The following VKORC1 variants were observed in gnomAD, a reference collection of about 807,000 sequenced individuals.
VKORC1 encodes the protein phylloquinone epoxide reductase.
In VKORC1, 12 loss-of-function variants were observed where a neutral mutation model predicts 14.8. That is an observed-to-expected ratio of 0.81 (90% CI 0.52 to 1.31). VKORC1 has a LOEUF of 1.31. Among genes scored for constraint, VKORC1 ranks in the 50% most tolerant of loss-of-function variants. VKORC1 has a pLI of 0.00. For missense variants in VKORC1, 223 were observed against 215.3 expected (o/e 1.04, Z -0.22); for synonymous variants, 94 against 92.5 (o/e 1.02, Z -0.09).
intron 2 of VKORC1, chr16:31,092,782 C>A: frequency 7.8e-7 from 1 of 1,279,814 alleles, no homozygotes; most frequent in Non-Finnish European, 1.0e-6. Flanking sequence ...TGGTAGCTCA[C>A]GCCTGTAATC....
Position 31,091,057 on chromosome 16 carries a change from A to T in VKORC1, c.*77T>A. On this transcript the variant is annotated 3_prime_UTR_variant, in exon 3 of 3. Coordinates refer to ENST00000394975, the MANE Select transcript of VKORC1 (RefSeq NM_024006.6). ...GCCCCACATCTAGGGCCTTCTAGGG[A>T]CCCAGATATGCCCCCTTAGGCAAGG... 2.5e-6 allele frequency: 4 copies of T among 1,576,532 alleles called. No homozygotes were observed. Among genetic ancestry groups the T allele is most frequent in the Non-Finnish European group, 2.6e-6 (3 of 1,161,112 alleles).
intron 1 of VKORC1, chr16:31,094,353 T>C: frequency 6.2e-7 from 1 of 1,612,886 alleles, no homozygotes; most frequent in Non-Finnish European, 8.5e-7. Flanking sequence ...ATAATCCCAG[T>C]CCCCAGCACT....
At chr16:31,094,007 A>C (rs1596797615) in intron 1 of VKORC1, 3 of 788,850 alleles carry the variant, frequency 3.8e-6, no homozygotes, top group Non-Finnish European at 3.8e-6. Flanking sequence ...CCCGGCCCTT[A>C]AGTAATTCTT....
intron 1 of VKORC1, chr16:31,093,699 C>CTCTTT (rs1292697451): frequency 8.8e-5 from 6 of 68,082 alleles, no homozygotes; most frequent in East Asian, 1.1e-3. Flanking sequence ...AAGTAAGTCT[C>CTCTTT]TTTTTTTTTT....
At chr16:31,091,516 C>T (rs952035579) in intron 2 of VKORC1, among the ~76,000 whole-genome samples, 174 bp from the exon 3 acceptor site, 2 of 152,186 alleles carry the variant, frequency 1.3e-5, no homozygotes, top group African/African-American at 4.8e-5. Flanking sequence ...TCTGGGAGGC[C>T]GAGGTGGGAA....
rs72547528 is a variant in VKORC1, at chr16:31,091,334, G to C, written c.292C>G (p.Arg98Gly). 1.9e-6 allele frequency: 3 copies of C among 1,613,454 alleles called. No homozygotes were observed. The South Asian group carries it at 3.3e-5, about 18-fold the overall frequency. ...YTLQLLLGCL[R>G]TRWASVLMLL... ...ATCAGGACAGAGGCCCAGCGTGTCC[G>C]CAGGCAACCTGCAAGGCAGAAGAGG... is the stretch of plus-strand genomic sequence containing the variant. The change falls in exon 3 of 3, where the codon CGG becomes GGG. Residue 98 changes from arginine (R) to glycine (G), a missense_variant. Arg to Gly is a moderately radical substitution (Grantham distance 125). Coordinates refer to ENST00000394975, the MANE Select transcript of VKORC1 (RefSeq NM_024006.6).
At chr16:31,093,661 G>A (rs937335324) in intron 1 of VKORC1, 6 of 670,740 alleles carry the variant, frequency 8.9e-6, no homozygotes, top group African/African-American at 7.5e-5. Context: ...TGGCTACTCC[G>A]TAGGCCCTGC....
chr16:31,093,364 A>T lies in VKORC1; in HGVS notation c.231T>A (p.Asn77Lys). Reference protein sequence around the residue: ...EHVLGQDSILNQSNSIFGCIF... With the variant: ...EHVLGQDSILKQSNSIFGCIF... ...TGCAACCGAATATGCTGTTGGATTG[A>T]TTGAGGATGCTGTCCTGTCCCAGCA... is the stretch of plus-strand genomic sequence containing the variant. Residue 77 changes from asparagine to lysine, a missense_variant, in exon 2 of 3, where the codon AAT becomes AAA. By Grantham distance (94) the Asn-to-Lys change is moderately conservative (BLOSUM62 0). Transcript: ENST00000394975. The T allele has an allele frequency of 6.2e-7, 1 of 1,614,134 alleles. No individual in the cohort carries two copies. The highest frequency in any genetic ancestry group is 8.5e-7 in the Non-Finnish European group (1 of 1,180,016).
intron 1 of VKORC1, chr16:31,094,139 C>G (rs535046123): frequency 1.9e-6 from 3 of 1,539,432 alleles, no homozygotes; most frequent in Non-Finnish European, 2.6e-6. Flanking sequence ...CTCGCCTCCT[C>G]TGTATTCCGT....
rs2057285460 is a variant in VKORC1, at chr16:31,091,058, C to T, written c.*76G>A. ...CCCCACATCTAGGGCCTTCTAGGGA[C>T]CCAGATATGCCCCCTTAGGCAAGGC... On this transcript the variant is annotated 3_prime_UTR_variant, in exon 3 of 3. Transcript: ENST00000394975. 1 of 1,577,450 alleles carries T rather than the reference C, an allele frequency of 6.3e-7. No individual in the cohort carries two copies. Among genetic ancestry groups the T allele is most frequent in the Non-Finnish European group, 8.6e-7 (1 of 1,161,762 alleles).
At chr16:31,094,342 A>G in intron 1 of VKORC1, 1 of 1,612,848 alleles carries the variant, frequency 6.2e-7, no homozygotes, top group Non-Finnish European at 8.5e-7. Flanking sequence ...GAGTCCCCGG[A>G]ATAATCCCAG....
chr16:31,091,212 G>C lies in VKORC1; in HGVS notation c.414C>G (p.Thr138=). The stretch of plus-strand genomic sequence containing the variant: ...ACATCAGGCTCACGTTGATAGCATA[G>C]GTGGTGATACAAACAATGCAGAAAT... ...LYDFCIVCIT[T]YAINVSLMWL... Residue 138 remains threonine, a synonymous_variant, in exon 3 of 3, where the codon ACC becomes ACG. Coordinates refer to ENST00000394975, the MANE Select transcript of VKORC1 (RefSeq NM_024006.6). The C allele has an allele frequency of 6.2e-7, 1 of 1,614,194 alleles. No individual in the cohort carries two copies. Among genetic ancestry groups the C allele is most frequent in the South Asian group, 1.1e-5 (1 of 91,082 alleles).
chr16:31,093,166 C>G (rs1175920784), intron 2 of VKORC1, 146 bp downstream of exon 2: 1 of 850,670 alleles, frequency 1.2e-6, no homozygotes, highest in African/African-American at 1.7e-5. Context: ...TACCTCCCCA[C>G]ATCCCCACCC....
At chr16:31,091,392 C>A in intron 2 of VKORC1, 50 bp from the exon 3 acceptor site, 1 of 1,580,794 alleles carries the variant, frequency 6.3e-7, no homozygotes. Flanking sequence ...TGGCCACCTC[C>A]CGAACACTCC....
In VKORC1 at chr16:31,091,450, T is replaced by C. The variant is rs1365976897; in HGVS notation, c.284-108A>G. The C allele has an allele frequency of 2.0e-6, 3 of 1,536,202 alleles. No homozygotes were observed. The Admixed American group carries it at 5.9e-5, about 30-fold the overall frequency. On this transcript the variant is annotated intron_variant, in intron 2 of 2. Coordinates refer to ENST00000394975, the MANE Select transcript of VKORC1 (RefSeq NM_024006.6). ...ATGCCAGGAGCTGCTGGGAAGGGTC[T>C]CTAAAACAAGAGGCTCCAGGGCAGA...
chr16:31,091,480 G>A, intron 2 of VKORC1, 138 bp from the exon 3 acceptor site: 1 of 1,508,018 alleles, frequency 6.6e-7, no homozygotes, highest in Non-Finnish European at 8.9e-7. Context: ...GGCAGATGTG[G>A]TGGCTTACGC....
At position 31,094,565 on chromosome 16, in the gene VKORC1, G is replaced by C. The variant is rs1392107723; in HGVS notation, c.165C>G (p.Phe55Leu). 6.2e-7 allele frequency: 1 copy of C among 1,611,878 alleles called. No individual in the cohort carries two copies. ...CCCACTCCCGTGCACACCTGGAGGA[G>C]AAGACGCGCGAACAGCTGATGGCGG... ...VGTAISCSRVFSSRWGRGFGL... is the reference protein window; with the variant it reads ...VGTAISCSRVLSSRWGRGFGL... Residue 55 changes from phenylalanine to leucine, a missense_variant, in exon 1 of 3, where the codon TTC (phenylalanine) becomes TTG (leucine). Physicochemically the swap from Phe to Leu is conservative, Grantham distance 22 (BLOSUM62 0). Transcript: ENST00000394975.
In VKORC1 at chr16:31,093,534, C is replaced by T. The variant is rs545901436; in HGVS notation, c.174-113G>A. The T allele has an allele frequency of 2.9e-4, 459 of 1,564,438 alleles. 2 individuals carry two copies. In the African/African-American group the frequency reaches 5.6e-3, roughly 19 times the overall value. On this transcript the variant is annotated intron_variant, in intron 1 of 2. Transcript: ENST00000394975. The stretch of plus-strand genomic sequence containing the variant: ...AGCCACCTGGGCTATCCTCTGTTCC[C>T]CGACCTCCCATCCTAGTCCAAGGGT...
chr16:31,091,377 G>T, intron 2 of VKORC1, 35 bp from the exon 3 acceptor site: 1 of 1,597,986 alleles, frequency 6.3e-7, no homozygotes, highest in South Asian at 1.1e-5. Flanking sequence ...GTGGGCTTCA[G>T]GCACTGGCCA....
Sources: gnomAD v4.1 joint callset for allele counts (sites outside exome capture counted in the v4.1 genomes callset) on GRCh38, gnomAD v4.1.1 for gene constraint, MANE v1.5 for transcripts, NCBI Gene and HGNC (gene_info 2026-07-23, HGNC 2026-07-21) for gene names.